The following NEK1 variants were observed in gnomAD, a reference collection of about 807,000 sequenced individuals.
NEK1 encodes serine/threonine-protein kinase Nek1.
A neutral mutation model predicts 182.1 loss-of-function variants in NEK1; 137 were observed. The observed-to-expected ratio is 0.75, with a 90% CI of 0.65 to 0.87. NEK1 has a LOEUF of 0.87. NEK1 is among the 40% of genes least tolerant of loss of function. The pLI is 0.00. For synonymous variants in NEK1, 513 were observed against 492.2 expected (o/e 1.04, Z -0.56); for missense variants, 1,391 against 1,494.4 (o/e 0.93, Z 1.14).
At position 169,555,610 on chromosome 4, in the gene NEK1, A is replaced by T. The variant is rs1580733898; in HGVS notation, c.1562+110T>A. On this transcript the variant is annotated intron_variant, in intron 18 of 35. Transcript: ENST00000507142. ...TTATTGTACCCAAGAGGCAAAAAACATCATATGTGAACAATGGAGAAAACA... is the reference window on the plus strand; with the variant it reads ...TTATTGTACCCAAGAGGCAAAAAACTTCATATGTGAACAATGGAGAAAACA... The T allele has an allele frequency of 2.1e-6, 3 of 1,446,508 alleles. No individual in the cohort carries two copies. The East Asian group carries it at 6.8e-5, about 33-fold the overall frequency. 89.6% of individuals were successfully genotyped at this position (1,446,508 alleles called of 1,614,324 possible).
chr4:169,536,337 A>G (rs1758496810), intron 19 of NEK1, among the ~76,000 whole-genome samples: 1 of 151,896 alleles, frequency 6.6e-6, no homozygotes, highest in African/African-American at 2.4e-5. Context: ...ATCATAATCA[A>G]ATTGATTCTA....
At chr4:169,509,576 T>C (rs922699617) in intron 19 of NEK1, among the ~76,000 whole-genome samples, 39 of 152,220 alleles carry the variant, frequency 2.6e-4, no homozygotes, top group African/African-American at 8.7e-4. Context: ...TACAATCTAG[T>C]TTCTGATCCC....
chr4:169,508,682 G>A, intron 20 of NEK1, 87 bp downstream of exon 20: 1 of 1,008,518 alleles, frequency 9.9e-7, no homozygotes, highest in Non-Finnish European at 1.4e-6. Flanking sequence ...TCAAATAATT[G>A]TTAAGAATTT....
At position 169,612,382 on chromosome 4, in the gene NEK1, C is replaced by A. The variant is rs1394715336; in HGVS notation, c.-333G>T. 6.6e-6 allele frequency: 1 copy of A among 152,124 alleles called. No individual in the cohort carries two copies. The highest frequency in any genetic ancestry group is 1.5e-5 in the Non-Finnish European group (1 of 68,056). 9.4% of individuals were successfully genotyped at this position (152,124 alleles called of 1,614,324 possible). A position where few individuals can be genotyped will look rare whatever the true frequency, so the allele number is the denominator to read the frequency against. ...AGGGGGAGTGCCTCCGTTACCGCCT[C>A]TCCAACTTCACAGAGGTCGTTGCTA... On this transcript the variant is annotated 5_prime_UTR_variant, in exon 1 of 36. Transcript: ENST00000507142.
intron 31 of NEK1, among the ~76,000 whole-genome samples, chr4:169,421,258 A>T (rs2111292356): frequency 6.6e-6 from 1 of 152,340 alleles, no homozygotes; most frequent in South Asian, 2.1e-4. Flanking sequence ...GAACAACGTG[A>T]TCAAACAAAA....
At chr4:169,537,288 T>G (rs80213571) in intron 19 of NEK1, among the ~76,000 whole-genome samples, 6,575 of 152,250 alleles carry the variant, frequency 0.043, 500 homozygotes, top group African/African-American at 0.15. Flanking sequence ...ACTTAATATT[T>G]TCTTGGATAC....
chr4:169,587,826 A>C (rs1442220794), intron 8 of NEK1, among the ~76,000 whole-genome samples: 2 of 152,092 alleles, frequency 1.3e-5, no homozygotes, highest in African/African-American at 2.4e-5. Flanking sequence ...TTGAAGCTTC[A>C]TTAAAGAAAT....
chr4:169,555,602 C>T, intron 18 of NEK1, 118 bp downstream of exon 18: 1 of 1,377,448 alleles, frequency 7.3e-7, no homozygotes, highest in South Asian at 1.2e-5. Flanking sequence ...ACCCAAGAGG[C>T]AAAAAACATC....
intron 26 of NEK1, among the ~76,000 whole-genome samples, chr4:169,469,943 CTGCT>C (rs1355536332): frequency 1.6e-5 from 2 of 127,476 alleles, no homozygotes; most frequent in Non-Finnish European, 3.3e-5. Flanking sequence ...ATTGCAACCC[CTGCT>C]TTTTTTTTTT....
intron 2 of NEK1, among the ~76,000 whole-genome samples, chr4:169,609,556 G>A (rs1235357229): frequency 2.6e-5 from 4 of 151,878 alleles, no homozygotes; most frequent in Admixed American, 1.3e-4. Flanking sequence ...TTAGTAAAAG[G>A]AAATACATAA....
At chr4:169,472,407 C>T (rs974284965) in intron 26 of NEK1, among the ~76,000 whole-genome samples, 8 of 152,234 alleles carry the variant, frequency 5.3e-5, no homozygotes, top group African/African-American at 1.2e-4. Flanking sequence ...CAACCCCTTG[C>T]GCTTCCCAGG....
At chr4:169,552,208 A>T (rs902952046) in intron 18 of NEK1, among the ~76,000 whole-genome samples, 9 of 152,108 alleles carry the variant, frequency 5.9e-5, no homozygotes, top group African/African-American at 2.2e-4. Flanking sequence ...TCATTTCCTT[A>T]TAAGTGATTA....
chr4:169,400,283 A>G lies in NEK1; in HGVS notation c.3789T>C (p.His1263=). 1 of 1,566,568 alleles carries G rather than the reference A, an allele frequency of 6.4e-7. No individual in the cohort carries two copies. Among genetic ancestry groups the G allele is most frequent in the African/African-American group, 1.3e-5 (1 of 74,174 alleles). The change falls in exon 35 of 36, where the codon CAT becomes CAC. Residue 1263 remains histidine (H), a synonymous_variant. Coordinates refer to ENST00000507142, the MANE Select transcript of NEK1 (RefSeq NM_001199397.3). ...GAAGAATCTTGGCATAAAGATGCTGATGTTCATTTCCCAAAATATTTTGAA... is the reference window on the plus strand; with the variant it reads ...GAAGAATCTTGGCATAAAGATGCTGGTGTTCATTTCCCAAAATATTTTGAA... ...KIVQNILGNE[H]QHLYAKILHL... is the part of the protein sequence containing the mutation.
At chr4:169,577,540 G>A (rs1423652010) in intron 11 of NEK1, among the ~76,000 whole-genome samples, 7 of 152,058 alleles carry the variant, frequency 4.6e-5, no homozygotes. Context: ...GGCCGAGGCG[G>A]GTGGATCACG....
intron 27 of NEK1, among the ~76,000 whole-genome samples, chr4:169,444,162 T>C (rs951289186): frequency 3.3e-5 from 5 of 151,994 alleles, no homozygotes; most frequent in African/African-American, 4.8e-5. Context: ...TCAAATGTTA[T>C]AGAAAATAAC....
intron 30 of NEK1, among the ~76,000 whole-genome samples, chr4:169,425,499 C>T (rs1176222009): frequency 1.3e-5 from 2 of 150,522 alleles, no homozygotes; most frequent in Non-Finnish European, 3.0e-5. Context: ...TATTTAGATA[C>T]ATATTTAGCT....
At chr4:169,451,169 T>C (rs537028636) in intron 27 of NEK1, among the ~76,000 whole-genome samples, 5 of 152,178 alleles carry the variant, frequency 3.3e-5, no homozygotes, top group African/African-American at 9.6e-5. Context: ...AGACTTAGAC[T>C]CCCACACAAT....
At chr4:169,474,054 G>A (rs1746505270) in intron 26 of NEK1, among the ~76,000 whole-genome samples, 1 of 152,044 alleles carries the variant, frequency 6.6e-6, no homozygotes, top group Non-Finnish European at 1.5e-5. Context: ...TAGAAATGGG[G>A]TGATAGCTAA....
intron 31 of NEK1, among the ~76,000 whole-genome samples, chr4:169,422,502 C>T (rs1735659826): frequency 6.6e-6 from 1 of 152,006 alleles, no homozygotes; most frequent in African/African-American, 2.4e-5. Context: ...GAAAAAAATC[C>T]CACCAGTAGT....
Sources: gnomAD v4.1 joint callset for allele counts (sites outside exome capture counted in the v4.1 genomes callset) on GRCh38, gnomAD v4.1.1 for gene constraint, MANE v1.5 for transcripts, NCBI Gene and HGNC (gene_info 2026-07-23, HGNC 2026-07-21) for gene names.